CMIP: variants seen among roughly 807,000 people sequenced by gnomAD.
The protein encoded by CMIP is C-Maf-inducing protein.
In CMIP, 13 loss-of-function variants were observed where a neutral mutation model predicts 97.3. That is an observed-to-expected ratio of 0.13 (90% confidence interval 0.09 to 0.21). CMIP has a LOEUF of 0.21. Among genes scored for constraint, CMIP ranks in the 10% least tolerant of loss-of-function variants. The pLI is 1.00. For missense variants in CMIP, 847 were observed against 1,024.9 expected, an observed-to-expected ratio of 0.83 and a Z score of 2.37; for synonymous variants, 538 against 436.3, an observed-to-expected ratio of 1.23 and a Z score of -2.91.
chr16:81,569,941 TAAC>T (rs2091053740), intron 1 of CMIP, among the ~76,000 whole-genome samples: 1 of 128,378 alleles, frequency 7.8e-6, no homozygotes, highest in African/African-American at 2.6e-5. Flanking sequence ...TGAGTGCACT[TAAC>T]TTTCATTCAT....
In CMIP at chr16:81,582,877, G is replaced by T. The variant is rs577968268; in HGVS notation, c.301-24690G>T. Reference sequence around the variant, plus strand: ...ATGACAGAAAGAAAATGAAGATAAAGAGTGCACGGCAGTTGGGGGACACCA... The same window carrying T: ...ATGACAGAAAGAAAATGAAGATAAATAGTGCACGGCAGTTGGGGGACACCA... On this transcript the variant is annotated intron_variant, in intron 1 of 20. Transcript: ENST00000537098. 2.6e-5 allele frequency among the ~76,000 whole-genome samples: 4 copies of T among 152,302 alleles called. No homozygotes were observed. The East Asian group carries it at 7.7e-4, about 29-fold the overall frequency.
At chr16:81,536,064 C>G (rs2090336895) in intron 1 of CMIP, among the ~76,000 whole-genome samples, 2 of 152,172 alleles carry the variant, frequency 1.3e-5, no homozygotes, top group African/African-American at 2.4e-5. Context: ...AACTCATAAG[C>G]AGGGACCCGA....
chr16:81,599,809 C>T (rs979091592), intron 1 of CMIP, among the ~76,000 whole-genome samples: 4 of 152,110 alleles, frequency 2.6e-5, no homozygotes, highest in Admixed American at 6.6e-5. Context: ...ACAGCCTCCC[C>T]GCCTTAGCAT....
At chr16:81,556,714 C>A (rs2090771152) in intron 1 of CMIP, among the ~76,000 whole-genome samples, 1 of 152,204 alleles carries the variant, frequency 6.6e-6, no homozygotes, top group East Asian at 1.9e-4. Flanking sequence ...CCAAATGCCA[C>A]TGAACCGTAC....
chr16:81,701,603 T>C (rs1245197974), intron 15 of CMIP, 57 bp from the exon 16 acceptor site: 4 of 1,611,278 alleles, frequency 2.5e-6, no homozygotes, highest in African/African-American at 1.3e-5. Context: ...GTGCACAGAG[T>C]GTGCTGAGCT....
At chr16:81,623,962 C>G (rs2092025656) in intron 3 of CMIP, among the ~76,000 whole-genome samples, 1 of 152,192 alleles carries the variant, frequency 6.6e-6, no homozygotes, top group African/African-American at 2.4e-5. Flanking sequence ...CTTGATCACA[C>G]CGTGCTTTTC....
intron 10 of CMIP, among the ~76,000 whole-genome samples, chr16:81,681,959 A>T (rs997438756): frequency 2.5e-4 from 38 of 152,200 alleles, no homozygotes; most frequent in African/African-American, 8.9e-4. Context: ...CTGTAATCCC[A>T]GCACTTTAGG....
intron 1 of CMIP, among the ~76,000 whole-genome samples, chr16:81,532,104 G>A (rs1372245150): frequency 1.3e-5 from 2 of 152,336 alleles, no homozygotes; most frequent in East Asian, 3.9e-4. Flanking sequence ...AGGAAATCGA[G>A]GCCAAGGACA....
chr16:81,513,473 C>T (rs541436552), intron 1 of CMIP, among the ~76,000 whole-genome samples: 2 of 152,338 alleles, frequency 1.3e-5, no homozygotes, highest in South Asian at 4.1e-4. Context: ...TCCTTTCCAC[C>T]CCGGGATTCT....
chr16:81,645,499 C>T (rs973978929), intron 3 of CMIP: 6 of 1,535,404 alleles, frequency 3.9e-6, no homozygotes, highest in East Asian at 2.4e-5. Context: ...ACTTGTCTCC[C>T]GTGGAGGAGC....
chr16:81,463,196 T>C (rs1424433881), intron 1 of CMIP, among the ~76,000 whole-genome samples: 1 of 152,144 alleles, frequency 6.6e-6, no homozygotes, highest in Non-Finnish European at 1.5e-5. Flanking sequence ...TTTTCCTTGG[T>C]TGTTAACATT....
intron 3 of CMIP, chr16:81,630,714 C>T (rs999320055): frequency 6.6e-6 from 1 of 152,224 alleles, no homozygotes; most frequent in African/African-American, 2.4e-5. Context: ...CTGCCTGCTT[C>T]ATCCAGGTTG....
At chr16:81,551,016 C>T (rs960999107) in intron 1 of CMIP, among the ~76,000 whole-genome samples, 3 of 140,130 alleles carry the variant, frequency 2.1e-5, no homozygotes, top group Non-Finnish European at 4.6e-5. Context: ...ACACGCACCC[C>T]AGTTCATCAC....
chr16:81,667,797 AGAGTGTGTGTGTGTGT>A (rs1342109057), intron 7 of CMIP, among the ~76,000 whole-genome samples: 2 of 64,966 alleles, frequency 3.1e-5, no homozygotes, highest in Non-Finnish European at 2.9e-5. Flanking sequence ...AGAGAGAGAG[AGAGTGTGTGTGTGTGT>A]GTGTGTGTGT....
At chr16:81,706,470 G>A (rs928464252) in intron 19 of CMIP, among the ~76,000 whole-genome samples, 3 of 152,234 alleles carry the variant, frequency 2.0e-5, no homozygotes, top group Admixed American at 6.5e-5. Context: ...ATGCAGATGC[G>A]CTGCTTCCAC....
In CMIP at chr16:81,488,811, G is replaced by A. The variant is rs71400160; in HGVS notation, c.300+43270G>A. Among the ~76,000 whole-genome samples, 737 of 152,228 alleles carry A rather than the reference G, an allele frequency of 4.8e-3. 4 individuals carry two copies. Among genetic ancestry groups the A allele is most frequent in the Admixed American group, 8.2e-3 (125 of 15,298 alleles). On this transcript the variant is annotated intron_variant, in intron 1 of 20. Coordinates refer to ENST00000537098, the MANE Select transcript of CMIP (RefSeq NM_198390.3). ...GCAGGCCCAGTGTGATCTGGAAGAC[G>A]GGGAGAGAATAATCTCTGGCAGAGC...
At chr16:81,522,783 T>C (rs1027068474) in intron 1 of CMIP, among the ~76,000 whole-genome samples, 2 of 152,216 alleles carry the variant, frequency 1.3e-5, no homozygotes, top group Non-Finnish European at 2.9e-5. Flanking sequence ...GGAAAAGGTA[T>C]AATTACTTGA....
At chr16:81,505,246 C>T (rs954877823) in intron 1 of CMIP, among the ~76,000 whole-genome samples, 1 of 152,174 alleles carries the variant, frequency 6.6e-6, no homozygotes, top group South Asian at 2.1e-4. Context: ...CGTAGCCACA[C>T]CTATAATTTA....
intron 4 of CMIP, among the ~76,000 whole-genome samples, chr16:81,656,975 T>C (rs1038944690): frequency 1.3e-5 from 2 of 152,108 alleles, no homozygotes; most frequent in Non-Finnish European, 2.9e-5. Flanking sequence ...GAAACGTTCA[T>C]TGGAGAGTTT....
Sources: gnomAD v4.1 joint callset for allele counts (sites outside exome capture counted in the v4.1 genomes callset) on GRCh38, gnomAD v4.1.1 for gene constraint, MANE v1.5 for transcripts, NCBI Gene and HGNC (gene_info 2026-07-23, HGNC 2026-07-21) for gene names.